Variants in EXOC4 observed in about 807,000 individuals in gnomAD.
The protein encoded by EXOC4 is SEC8-like 1.
Under a neutral mutation model 107.2 loss-of-function variants are expected in EXOC4, and 71 were observed. That is an observed-to-expected ratio of 0.66 (90% CI 0.55 to 0.81). The LOEUF (loss-of-function observed/expected upper bound fraction) is 0.81, where lower values mean the gene tolerates loss of function less well. Ranked by LOEUF, EXOC4 falls within the 30% of genes least tolerant of loss-of-function variation. The pLI, the probability that EXOC4 is intolerant of heterozygous loss-of-function variation, is 0.00. For missense variants in EXOC4, 1,108 were observed against 1,189.6 expected (o/e 0.93, Z 1.01); for synonymous variants, 456 against 441.2 (o/e 1.03, Z -0.42).
At chr7:133,838,718 G>A (rs540960114) in intron 11 of EXOC4, among the ~76,000 whole-genome samples, 1 of 152,312 alleles carries the variant, frequency 6.6e-6, no homozygotes, top group South Asian at 2.1e-4. Context: ...TAGACCAGGA[G>A]TCAGCAAAGT....
chr7:133,933,600 T>C (rs1251802924), intron 13 of EXOC4, among the ~76,000 whole-genome samples: 1 of 152,178 alleles, frequency 6.6e-6, no homozygotes, highest in African/African-American at 2.4e-5. Context: ...AGATGAAGGG[T>C]ACATAAAAAT....
At chr7:133,328,514 A>T (rs1276483469) in intron 5 of EXOC4, among the ~76,000 whole-genome samples, 1 of 151,942 alleles carries the variant, frequency 6.6e-6, no homozygotes, top group Non-Finnish European at 1.5e-5. Flanking sequence ...GTTTTTTCAT[A>T]GTGTCAATGG....
intron 11 of EXOC4, among the ~76,000 whole-genome samples, chr7:133,836,654 TG>T (rs1330217963): frequency 4.6e-5 from 7 of 152,170 alleles, no homozygotes; most frequent in Non-Finnish European, 7.4e-5. Flanking sequence ...TCCTAATTTA[TG>T]GTTTTCAAAA....
intron 14 of EXOC4, among the ~76,000 whole-genome samples, chr7:133,975,339 ATACTAGATAAG>A (rs1333344850): frequency 1.3e-5 from 2 of 152,148 alleles, no homozygotes; most frequent in Non-Finnish European, 2.9e-5. Flanking sequence ...CCAAACTAGA[ATACTAGATAAG>A]TTCTTAACTC....
intron 9 of EXOC4, among the ~76,000 whole-genome samples, chr7:133,624,590 C>CT (rs1335786118): frequency 4.0e-5 from 6 of 151,238 alleles, no homozygotes; most frequent in Admixed American, 6.6e-5. Flanking sequence ...CTCTCTCTCT[C>CT]TTTTTTTTTC....
chr7:133,922,781 G>A (rs1329637273), intron 13 of EXOC4, among the ~76,000 whole-genome samples: 7 of 152,078 alleles, frequency 4.6e-5, no homozygotes, highest in East Asian at 1.9e-4. Context: ...CCCAAGAGGC[G>A]AGGCTTGCAG....
intron 14 of EXOC4, among the ~76,000 whole-genome samples, chr7:133,970,915 A>G (rs1801206317): frequency 1.3e-5 from 2 of 151,918 alleles, no homozygotes; most frequent in Non-Finnish European, 2.9e-5. Context: ...CCTTTTCTTC[A>G]TCTACTGACT....
chr7:134,039,790 G>T (rs1283521480), intron 17 of EXOC4, among the ~76,000 whole-genome samples: 1 of 152,136 alleles, frequency 6.6e-6, no homozygotes, highest in South Asian at 2.1e-4. Context: ...TTCTCATTCA[G>T]GAGGGAAGTC....
chr7:133,352,279 A>G (rs555507177), intron 5 of EXOC4, among the ~76,000 whole-genome samples: 2 of 152,090 alleles, frequency 1.3e-5, no homozygotes, highest in South Asian at 2.1e-4. Flanking sequence ...GAAGTCTTCA[A>G]CTGTTGTAGA....
intron 3 of EXOC4, among the ~76,000 whole-genome samples, chr7:133,290,082 A>G (rs1461134809): frequency 2.6e-5 from 4 of 152,342 alleles, no homozygotes; most frequent in Non-Finnish European, 4.4e-5. Flanking sequence ...CTTCATAAGA[A>G]GCTTTTTAAA....
chr7:133,945,269 C>T (rs1298774618), intron 14 of EXOC4, among the ~76,000 whole-genome samples: 2 of 152,178 alleles, frequency 1.3e-5, no homozygotes, highest in Non-Finnish European at 2.9e-5. Context: ...TATCCCCAGG[C>T]AATTTTAACA....
At chr7:134,074,358 C>G in the EXOC4 span, among the ~76,000 whole-genome samples, 1 of 152,124 alleles carries the variant, frequency 6.6e-6, no homozygotes, top group South Asian at 2.1e-4. Flanking sequence ...AAACAAGAAG[C>G]TTGTTAACCA....
At chr7:133,859,971 A>C (rs1011259641) in intron 11 of EXOC4, among the ~76,000 whole-genome samples, 5 of 152,220 alleles carry the variant, frequency 3.3e-5, no homozygotes, top group Non-Finnish European at 2.9e-5. Context: ...GCTGTAGACT[A>C]GAAAACTCCA....
intron 9 of EXOC4, among the ~76,000 whole-genome samples, chr7:133,499,126 A>AT: frequency 6.6e-6 from 1 of 150,938 alleles, no homozygotes; most frequent in Non-Finnish European, 1.5e-5. Flanking sequence ...AAAAAAAAAA[A>AT]ATTACCCCAG....
chr7:133,677,682 A>G (rs1470966435), intron 10 of EXOC4, among the ~76,000 whole-genome samples: 1 of 152,222 alleles, frequency 6.6e-6, no homozygotes, highest in African/African-American at 2.4e-5. Context: ...CTTAATAGCT[A>G]CAAAGATAAG....
intron 14 of EXOC4, among the ~76,000 whole-genome samples, chr7:133,946,544 G>T (rs759486896): frequency 1.3e-5 from 2 of 152,132 alleles, no homozygotes; most frequent in Non-Finnish European, 2.9e-5. Flanking sequence ...TTCATTTTCA[G>T]TCTTAAATGT....
intron 15 of EXOC4, among the ~76,000 whole-genome samples, chr7:134,000,096 T>C (rs932378289): frequency 2.0e-5 from 3 of 152,148 alleles, no homozygotes; most frequent in Non-Finnish European, 2.9e-5. Flanking sequence ...TAAATTAAAT[T>C]TCCTCACTTC....
At chr7:133,783,486 G>A (rs1482297268) in intron 10 of EXOC4, among the ~76,000 whole-genome samples, 1 of 152,166 alleles carries the variant, frequency 6.6e-6, no homozygotes, top group Non-Finnish European at 1.5e-5. Flanking sequence ...TGCTTTTATG[G>A]ACAATGAATT....
intron 9 of EXOC4, among the ~76,000 whole-genome samples, chr7:133,522,747 A>G (rs1249586570): frequency 6.6e-5 from 10 of 152,150 alleles, no homozygotes; most frequent in Admixed American, 6.5e-4. Flanking sequence ...GTTGAAGAGC[A>G]TTTTAAATGC....
Sources: allele counts gnomAD v4.1 joint callset (sites outside exome capture counted in the v4.1 genomes callset), GRCh38; gene constraint gnomAD v4.1.1; transcripts MANE v1.5; gene names NCBI Gene and HGNC (gene_info 2026-07-23, HGNC 2026-07-21).